ZNF280D: variants seen among roughly 807,000 people sequenced by gnomAD.
The protein encoded by ZNF280D is zinc finger protein 280D.
In ZNF280D, 39 loss-of-function variants were observed where a neutral mutation model predicts 94.7. That is an observed-to-expected ratio of 0.41 (90% CI 0.32 to 0.54). The LOEUF is 0.54. ZNF280D is among the 20% of genes least tolerant of loss of function. The pLI is 0.22. For synonymous variants in ZNF280D, 398 were observed against 377.6 expected (o/e 1.05, Z -0.63); for missense variants, 1,090 against 1,149.3 (o/e 0.95, Z 0.75).
At chr15:56,639,689 C>T (rs2052530584) in intron 20 of ZNF280D, among the ~76,000 whole-genome samples, 1 of 152,156 alleles carries the variant, frequency 6.6e-6, no homozygotes, top group African/African-American at 2.4e-5. Context: ...TTCAGCCAAA[C>T]TATCATTCGC....
chr15:56,639,480 A>G (rs530917178), intron 20 of ZNF280D, among the ~76,000 whole-genome samples: 1 of 152,286 alleles, frequency 6.6e-6, no homozygotes, highest in East Asian at 1.9e-4. Context: ...CAATGAATGA[A>G]AAAAGGATGG....
chr15:56,697,029 A>G (rs528192776), intron 6 of ZNF280D, among the ~76,000 whole-genome samples: 80 of 152,302 alleles, frequency 5.3e-4, no homozygotes, highest in African/African-American at 1.9e-3. Context: ...TACCTAACGA[A>G]CTATTAAATA....
intron 1 of ZNF280D, among the ~76,000 whole-genome samples, chr15:56,712,615 A>AAT (rs71113017): frequency 6.8e-6 from 1 of 146,556 alleles, no homozygotes; most frequent in Non-Finnish European, 1.5e-5. Context: ...AAAAAAAAAA[A>AAT]GGAAAGAAAG....
At chr15:56,638,037 C>A (rs533258215) in intron 20 of ZNF280D, among the ~76,000 whole-genome samples, 1 of 152,068 alleles carries the variant, frequency 6.6e-6, no homozygotes, top group African/African-American at 2.4e-5. Context: ...TAAAGAATGA[C>A]TGTCAAACTA....
At chr15:56,726,734 T>G (rs2058647483) in intron 1 of ZNF280D, among the ~76,000 whole-genome samples, 1 of 152,226 alleles carries the variant, frequency 6.6e-6, no homozygotes, top group Non-Finnish European at 1.5e-5. Context: ...CCAGTTTTCT[T>G]ATAGTTTTGC....
At position 56,693,195 on chromosome 15, in the gene ZNF280D, T is replaced by C. The variant is rs776012719; in HGVS notation, c.402A>G (p.Ser134=). ...CTGATGACTTATTAGACACAACTCG[T>C]GATGAGTTTGTTATATAACCCTGTT... ...FSKPGYITNS[S]RVVSNKSSEL... Residue 134 remains serine (S), a synonymous_variant, in exon 7 of 22, where the codon TCA becomes TCG. Transcript: ENST00000267807. 4 of 1,590,336 alleles carry C rather than the reference T, an allele frequency of 2.5e-6. No individual in the cohort carries two copies. The Admixed American group carries it at 7.0e-5, about 28-fold the overall frequency.
rs2056343751 is a variant in ZNF280D at position 56,690,212 on chromosome 15, C to G, written c.500-742G>C. 3.3e-5 allele frequency among the ~76,000 whole-genome samples: 5 copies of G among 152,128 alleles called. No homozygotes were observed. The South Asian group carries it at 1.0e-3, about 32-fold the overall frequency. ...CCTGGCAAACATGGTGAAACCCCAT[C>G]TCTACTAAAAATACAAAAAATTAGC... On this transcript the variant is annotated intron_variant, in intron 7 of 21. Transcript: ENST00000267807.
intron 1 of ZNF280D, among the ~76,000 whole-genome samples, chr15:56,712,725 G>A (rs1259605677): frequency 6.8e-6 from 1 of 146,376 alleles, no homozygotes; most frequent in Non-Finnish European, 1.5e-5. Flanking sequence ...TGATTATGAG[G>A]AACATGGTGA....
At chr15:56,721,152 G>T (rs576441483) in intron 1 of ZNF280D, among the ~76,000 whole-genome samples, 1 of 151,866 alleles carries the variant, frequency 6.6e-6, no homozygotes, top group Non-Finnish European at 1.5e-5. Context: ...TAGTAGAGAC[G>T]GGGGTTTCAC....
rs1329586943 is a variant in ZNF280D at position 56,723,239 on chromosome 15, T to TAAAA, written c.-86+10218_-86+10219insTTTT. ...AACTTAAAGTATAATAATAAAAAAA[T>TAAAA]AAATAAATAAATAATCAAAGTGAAA... On this transcript the variant is annotated intron_variant, in intron 1 of 21. Coordinates refer to ENST00000267807, the MANE Select transcript of ZNF280D (RefSeq NM_017661.4). 4.0e-5 allele frequency among the ~76,000 whole-genome samples: 6 copies of TAAAA among 150,516 alleles called. No individual in the cohort carries two copies. The South Asian group carries it at 6.3e-4, about 16-fold the overall frequency.
intron 17 of ZNF280D, 73 bp downstream of exon 17, chr15:56,658,351 G>T: frequency 9.6e-7 from 1 of 1,043,990 alleles, no homozygotes; most frequent in Non-Finnish European, 1.4e-6. Context: ...CCTCAATAAA[G>T]CTGTTGTGTT....
At chr15:56,646,292 G>C (rs1304438052) in intron 19 of ZNF280D, among the ~76,000 whole-genome samples, 2 of 151,954 alleles carry the variant, frequency 1.3e-5, no homozygotes, top group African/African-American at 4.8e-5. Flanking sequence ...GCCAGACATG[G>C]TTGTACATAC....
At chr15:56,725,011 C>G (rs2058563390) in intron 1 of ZNF280D, 1 of 348,848 alleles carries the variant, frequency 2.9e-6, no homozygotes, top group Non-Finnish European at 5.7e-6. Context: ...AAAAGCAGAG[C>G]AAGTAAAAAA....
intron 1 of ZNF280D, among the ~76,000 whole-genome samples, chr15:56,731,446 G>T (rs2058880607): frequency 7.1e-6 from 1 of 141,176 alleles, no homozygotes; most frequent in East Asian, 2.1e-4. Context: ...GGTCAAGGAT[G>T]CAGCGAGCCA....
chr15:56,708,770 T>C (rs1232858177), intron 1 of ZNF280D, among the ~76,000 whole-genome samples: 1 of 152,170 alleles, frequency 6.6e-6, no homozygotes, highest in African/African-American at 2.4e-5. Flanking sequence ...GCAGTCCCTA[T>C]TTAATAAATG....
At chr15:56,683,733 A>C (rs1596486150) in intron 9 of ZNF280D, among the ~76,000 whole-genome samples, 1 of 152,168 alleles carries the variant, frequency 6.6e-6, no homozygotes, top group African/African-American at 2.4e-5. Context: ...GTGAACATCC[A>C]ACATCAGTCA....
chr15:56,690,003 T>C (rs539002099), intron 7 of ZNF280D, among the ~76,000 whole-genome samples: 2 of 152,218 alleles, frequency 1.3e-5, no homozygotes, highest in Non-Finnish European at 2.9e-5. Flanking sequence ...GGTCTACTCA[T>C]GGCTTTGAGT....
chr15:56,701,595 C>G lies in ZNF280D; in HGVS notation c.176-357G>C, dbSNP rs373253940. Among the ~76,000 whole-genome samples, 18 of 152,120 alleles carry G rather than the reference C, an allele frequency of 1.2e-4. No individual in the cohort carries two copies. In the East Asian group the frequency reaches 1.4e-3, roughly 11 times the overall value. On this transcript the variant is annotated intron_variant, in intron 4 of 21. Transcript: ENST00000267807. The stretch of plus-strand genomic sequence containing the variant: ...TTCCAAAAACATATTTATATATAAC[C>G]TATAATTTAAATGTATATCTTTCTT...
At chr15:56,648,193 TA>T (rs2140618044) in intron 19 of ZNF280D, among the ~76,000 whole-genome samples, 1 of 152,292 alleles carries the variant, frequency 6.6e-6, no homozygotes, top group Non-Finnish European at 1.5e-5. Context: ...TCTGCCTCTA[TA>T]TGTTTTCCAC....
Sources: gnomAD v4.1 joint callset for allele counts (sites outside exome capture counted in the v4.1 genomes callset) on GRCh38, gnomAD v4.1.1 for gene constraint, MANE v1.5 for transcripts, NCBI Gene and HGNC (gene_info 2026-07-23, HGNC 2026-07-21) for gene names.